Variants in RBM33 observed in about 807,000 individuals in gnomAD.
RBM33 encodes RNA binding motif protein 33, also known as RNA-binding protein 33.
RBM33 carries 28 observed loss-of-function variants against 132.6 expected under a neutral mutation model. That is an observed-to-expected ratio of 0.21 (90% CI 0.16 to 0.29). The LOEUF (loss-of-function observed/expected upper bound fraction) is 0.29, where lower values mean the gene tolerates loss of function less well. RBM33 is among the 10% of genes least tolerant of loss of function. The pLI is 1.00. For missense variants in RBM33, 1,291 were observed against 1,518.5 expected (o/e 0.85, Z 2.49); for synonymous variants, 634 against 593.0 (o/e 1.07, Z -1.01).
intron 12 of RBM33, 95 bp downstream of exon 12, chr7:155,740,121 A>C (rs2117028478): frequency 7.1e-7 from 1 of 1,411,554 alleles, no homozygotes; most frequent in African/African-American, 1.4e-5. Flanking sequence ...AATATTTTCC[A>C]GTTCTGATTT....
In RBM33 at chr7:155,737,564, C is replaced by T. The variant is rs1801168473; in HGVS notation, c.1295C>T (p.Pro432Leu). 1.2e-6 allele frequency: 2 copies of T among 1,613,076 alleles called. No individual in the cohort carries two copies. The highest frequency in any genetic ancestry group is 2.7e-5 in the African/African-American group (2 of 74,820). Residue 432 changes from proline (P) to leucine (L), a missense_variant, in exon 10 of 18, where the codon CCT becomes CTT. Transcript: ENST00000401878. ...GAATTTCCACAGCATACACCTGGAC[C>T]TGTTCCCAACAGTTTCAGCCAGCCC... ...PPEFPQHTPG[P>L]VPNSFSQPPR... is the part of the protein sequence containing the mutation.
chr7:155,701,175 T>TC (rs1554474730), intron 6 of RBM33: 13 of 541,664 alleles, frequency 2.4e-5, no homozygotes, highest in Middle Eastern at 7.8e-4. Flanking sequence ...TTAAGATAAT[T>TC]AAAAAAAATT....
chr7:155,711,628 T>C (rs976426744), intron 8 of RBM33, among the ~76,000 whole-genome samples, 173 bp downstream of exon 8: 1 of 152,176 alleles, frequency 6.6e-6, no homozygotes, highest in African/African-American at 2.4e-5. Context: ...GGTAGCAACA[T>C]GCATCCCAAA....
Position 155,742,063 on chromosome 7 carries a change from G to A in RBM33, c.2294G>A (p.Ser765Asn), listed in dbSNP as rs768669871. Residue 765 changes from serine (S) to asparagine (N), a missense_variant, in exon 13 of 18, where the codon AGC (serine) becomes AAC (asparagine). Physicochemically the swap from Ser to Asn is conservative, Grantham distance 46. Transcript: ENST00000401878. ...ACGGAAGTGAAAGTCAAGCCAGCTA[G>A]CCCTGTGGCTCAACCTAAAGAAGAG... is the stretch of plus-strand genomic sequence containing the variant. ...GKTEVKVKPASPVAQPKEEAK... is the reference protein window; with the variant it reads ...GKTEVKVKPANPVAQPKEEAK... 3.1e-6 allele frequency: 5 copies of A among 1,613,844 alleles called. No homozygotes were observed. The highest frequency in any genetic ancestry group is 4.2e-6 in the Non-Finnish European group (5 of 1,179,902).
At position 155,644,913 on chromosome 7, in the gene RBM33, G is replaced by A. The variant is rs1188445618; in HGVS notation, c.37G>A (p.Ala13Thr). The A allele has an allele frequency of 4.0e-6, 6 of 1,499,242 alleles. No individual in the cohort carries two copies. The highest frequency in any genetic ancestry group is 8.8e-7 in the Non-Finnish European group (1 of 1,130,334). The allele number at this position is 1,499,242 out of a possible 1,614,324, so 92.9% of individuals were successfully genotyped here. A position where few individuals can be genotyped will look rare whatever the true frequency, so the allele number is the denominator to read the frequency against. ...CCTGGGAGCGAGCGGAGGAGCAGGC[G>A]CCGGAGGTACGTGAGGCAGCCGGAC... ...AALGASGGAG[A>T]GDDDFDQFDK... is the part of the protein sequence containing the mutation. The change falls in exon 1 of 18, where the codon GCC becomes ACC. Residue 13 changes from alanine to threonine, a missense_variant. Around this residue, in one of 7 missense-constraint regions of RBM33, gnomAD observed 194 missense variants for 249.8 expected, o/e 0.78. Coordinates refer to ENST00000401878, the MANE Select transcript of RBM33 (RefSeq NM_053043.3).
At chr7:155,770,568 G>A (rs1802391716) in intron 16 of RBM33, among the ~76,000 whole-genome samples, 2 of 147,126 alleles carry the variant, frequency 1.4e-5, no homozygotes, top group African/African-American at 5.0e-5. Flanking sequence ...TAAGCAGTTT[G>A]ACTTGTGTTT....
chr7:155,645,748 T>C (rs1043154109), intron 1 of RBM33, among the ~76,000 whole-genome samples: 26 of 152,212 alleles, frequency 1.7e-4, no homozygotes, highest in Non-Finnish European at 3.8e-4. Context: ...TGGTAAAATA[T>C]GGATAACAAA....
intron 9 of RBM33, among the ~76,000 whole-genome samples, chr7:155,735,838 C>T (rs1801109739): frequency 6.6e-6 from 1 of 152,134 alleles, no homozygotes; most frequent in African/African-American, 2.4e-5. Flanking sequence ...TGTATTCTCA[C>T]TTACAAATAT....
chr7:155,678,141 G>A (rs1799236525), intron 3 of RBM33, among the ~76,000 whole-genome samples: 1 of 93,954 alleles, frequency 1.1e-5, no homozygotes, highest in Non-Finnish European at 2.7e-5. Flanking sequence ...AAAAACCAAA[G>A]TTTTATAGTC....
chr7:155,682,067 C>G (rs1799352088), intron 5 of RBM33, among the ~76,000 whole-genome samples: 2 of 151,906 alleles, frequency 1.3e-5, no homozygotes, highest in African/African-American at 4.8e-5. Context: ...ATTACAGGCG[C>G]CCACCATCAC....
chr7:155,693,412 A>AT (rs1451574350), intron 5 of RBM33, among the ~76,000 whole-genome samples: 1 of 151,764 alleles, frequency 6.6e-6, no homozygotes, highest in Non-Finnish European at 1.5e-5. Context: ...TCTTTCTAGC[A>AT]GAAAGTAAGA....
chr7:155,771,350 A>G (rs1197410161), intron 16 of RBM33, among the ~76,000 whole-genome samples: 2 of 152,222 alleles, frequency 1.3e-5, no homozygotes, highest in Non-Finnish European at 2.9e-5. Flanking sequence ...AATATTGACA[A>G]TTTCTACAAT....
At chr7:155,729,796 T>C (rs1157587148) in intron 9 of RBM33, among the ~76,000 whole-genome samples, 1 of 152,082 alleles carries the variant, frequency 6.6e-6, no homozygotes, top group African/African-American at 2.4e-5. Context: ...GTTCTGTTAA[T>C]TTTTCTGTCT....
chr7:155,681,562 C>T (rs982472633), intron 5 of RBM33, among the ~76,000 whole-genome samples: 3 of 151,286 alleles, frequency 2.0e-5, no homozygotes, highest in African/African-American at 4.9e-5. Context: ...GACTCATTAT[C>T]AAAAGAGATT....
At chr7:155,713,928 G>A (rs1800382824) in intron 8 of RBM33, among the ~76,000 whole-genome samples, 1 of 152,100 alleles carries the variant, frequency 6.6e-6, no homozygotes, top group African/African-American at 2.4e-5. Context: ...TGGGGCAGAT[G>A]GATGGGCAGG....
intron 14 of RBM33, among the ~76,000 whole-genome samples, chr7:155,756,343 G>T (rs1180656067): frequency 6.6e-6 from 1 of 152,076 alleles, no homozygotes; most frequent in Non-Finnish European, 1.5e-5. Context: ...ATTTGGCTTG[G>T]TTCTTATTCA....
At chr7:155,650,012 G>A (rs1798312517) in intron 1 of RBM33, among the ~76,000 whole-genome samples, 1 of 152,092 alleles carries the variant, frequency 6.6e-6, no homozygotes, top group Admixed American at 6.5e-5. Context: ...CATTATACAT[G>A]GGAGCCCCCA....
At chr7:155,697,552 T>C (rs1473820343) in intron 5 of RBM33, among the ~76,000 whole-genome samples, 2 of 152,096 alleles carry the variant, frequency 1.3e-5, no homozygotes, top group Non-Finnish European at 2.9e-5. Flanking sequence ...TTTTCTCTTT[T>C]GCACTCTCTC....
chr7:155,741,781 T>C, intron 12 of RBM33, 38 bp from the exon 13 acceptor site: 1 of 1,570,308 alleles, frequency 6.4e-7, no homozygotes. Context: ...CTGCCAAGTT[T>C]CCACTTACAA....
Sources: allele counts gnomAD v4.1 joint callset (sites outside exome capture counted in the v4.1 genomes callset), GRCh38; gene constraint gnomAD v4.1.1; regional missense constraint gnomAD v4.1.1; transcripts MANE v1.5; gene names NCBI Gene and HGNC (gene_info 2026-07-23, HGNC 2026-07-21).